The following PLEKHA7 variants were observed in gnomAD, a reference collection of about 807,000 sequenced individuals.
The protein encoded by PLEKHA7 is pleckstrin homology domain-containing family A member 7.
In PLEKHA7, 104 loss-of-function variants were observed where a neutral mutation model predicts 170.0. The observed-to-expected ratio is 0.61, with a 90% CI of 0.52 to 0.72. The LOEUF (loss-of-function observed/expected upper bound fraction) is 0.72, where lower values mean the gene tolerates loss of function less well. PLEKHA7 is among the 30% of genes least tolerant of loss of function. The pLI is 0.00. For synonymous variants in PLEKHA7, 648 were observed against 660.8 expected, an observed-to-expected ratio of 0.98 and a Z score of 0.30; for missense variants, 1,615 against 1,671.7, an observed-to-expected ratio of 0.97 and a Z score of 0.59.
intron 3 of PLEKHA7, among the ~76,000 whole-genome samples, chr11:17,006,416 T>C (rs1461198255): frequency 2.0e-5 from 3 of 151,034 alleles, no homozygotes; most frequent in Non-Finnish European, 2.9e-5. Flanking sequence ...TGCCTGAGGT[T>C]AGGAGTTCAA....
chr11:16,830,176 G>T (rs1301525509), intron 9 of PLEKHA7, among the ~76,000 whole-genome samples: 1 of 151,830 alleles, frequency 6.6e-6, no homozygotes, highest in African/African-American at 2.4e-5. Flanking sequence ...TAGAGACAAG[G>T]TCTTTCTTTG....
At chr11:16,879,129 G>A (rs1011849237) in intron 3 of PLEKHA7, among the ~76,000 whole-genome samples, 2 of 152,172 alleles carry the variant, frequency 1.3e-5, no homozygotes, top group Non-Finnish European at 2.9e-5. Flanking sequence ...TGAACTGGGA[G>A]AGTGTTTTGG....
intron 4 of PLEKHA7, among the ~76,000 whole-genome samples, chr11:16,862,364 G>A (rs572903206): frequency 7.4e-4 from 112 of 152,204 alleles, no homozygotes; most frequent in Non-Finnish European, 8.5e-4. Flanking sequence ...TATGACCCTG[G>A]ACCAGTCTCT....
At chr11:16,821,028 C>A (rs1467060982) in intron 10 of PLEKHA7, among the ~76,000 whole-genome samples, 2 of 152,170 alleles carry the variant, frequency 1.3e-5, no homozygotes, top group Admixed American at 1.3e-4. Context: ...CCCCTAACCT[C>A]CGGTCTTACC....
rs1266227162 is a variant in PLEKHA7, at chr11:16,817,435, A to T, written c.1344-113T>A. The T allele has an allele frequency of 5.6e-6, 6 of 1,074,606 alleles. No individual in the cohort carries two copies. The highest frequency in any genetic ancestry group is 4.2e-4 in the Middle Eastern group (2 of 4,764). The allele number at this position is 1,074,606 out of a possible 1,614,324, so 66.6% of individuals were successfully genotyped here. Reference sequence around the variant, plus strand: ...GGGCATGTGGGACAGTCCTGTAAGAACCTCAAAAGAATGATCAAGGCCGAC... The same window carrying T: ...GGGCATGTGGGACAGTCCTGTAAGATCCTCAAAAGAATGATCAAGGCCGAC... On this transcript the variant is annotated intron_variant, in intron 10 of 26. Transcript: ENST00000531066. The surrounding 1 kb of genome is among the most constrained non-coding windows in gnomAD (Gnocchi z 4.4).
intron 4 of PLEKHA7, among the ~76,000 whole-genome samples, chr11:16,868,130 C>A (rs572095279): frequency 6.6e-6 from 1 of 152,234 alleles, no homozygotes; most frequent in Non-Finnish European, 1.5e-5. Context: ...GATGAGGAGG[C>A]CTTCTGTGGT....
At chr11:16,996,616 T>G (rs1476668705) in intron 3 of PLEKHA7, among the ~76,000 whole-genome samples, 1 of 152,206 alleles carries the variant, frequency 6.6e-6, no homozygotes, top group Non-Finnish European at 1.5e-5. Flanking sequence ...TTTCCTGTGC[T>G]GCAGAATGCT....
Position 16,817,344 on chromosome 11 carries a change from G to A in PLEKHA7, c.1344-22C>T, listed in dbSNP as rs372308509. ...AAGACTGAGGAGAAAGGGTAAGAAC[G>A]GGTCAGGCAACCAAGCGAGGGTTCT... On this transcript the variant is annotated intron_variant, in intron 10 of 26. Transcript: ENST00000531066. The surrounding 1 kb of genome is among the most constrained non-coding windows in gnomAD (Gnocchi z 4.4). 1.6e-5 allele frequency: 25 copies of A among 1,578,220 alleles called. No individual in the cohort carries two copies. The highest frequency in any genetic ancestry group is 8.1e-5 in the African/African-American group (6 of 74,024).
At chr11:16,956,131 T>TG (rs1861687153) in intron 3 of PLEKHA7, among the ~76,000 whole-genome samples, 1 of 152,252 alleles carries the variant, frequency 6.6e-6, no homozygotes, top group African/African-American at 2.4e-5. Context: ...TCTCTTCTCA[T>TG]AACAGAGCAG....
chr11:16,929,965 C>T (rs1257000912), intron 3 of PLEKHA7, among the ~76,000 whole-genome samples: 2 of 151,914 alleles, frequency 1.3e-5, no homozygotes, highest in Non-Finnish European at 2.9e-5. Flanking sequence ...GATTGCGCCA[C>T]TGCACTCCAG....
intron 15 of PLEKHA7, 130 bp downstream of exon 15, chr11:16,802,842 G>C: frequency 1.2e-6 from 1 of 830,336 alleles, no homozygotes; most frequent in Middle Eastern, 2.3e-4. Context: ...CACCGCACCT[G>C]GTGCATTTTT....
chr11:16,838,938 G>A (rs188671123), intron 9 of PLEKHA7, among the ~76,000 whole-genome samples: 5 of 151,944 alleles, frequency 3.3e-5, no homozygotes, highest in East Asian at 3.9e-4. Flanking sequence ...CACCCGCCTC[G>A]GTCTCCCAAA....
chr11:16,787,335 G>T, intron 23 of PLEKHA7: 1 of 636,720 alleles, frequency 1.6e-6, no homozygotes, highest in Non-Finnish European at 2.0e-6. Context: ...TGTCTTTGAT[G>T]CCTCAAGTCC....
intron 3 of PLEKHA7, among the ~76,000 whole-genome samples, chr11:17,007,304 A>G (rs1865060959): frequency 6.6e-6 from 1 of 152,172 alleles, no homozygotes; most frequent in Admixed American, 6.5e-5. Flanking sequence ...TTCTTTATGT[A>G]GAATTACATT....
intron 4 of PLEKHA7, among the ~76,000 whole-genome samples, chr11:16,856,466 C>T (rs1162039535): frequency 6.6e-6 from 1 of 152,174 alleles, no homozygotes; most frequent in Non-Finnish European, 1.5e-5. Flanking sequence ...ATTCTAGGAA[C>T]ACTCCATTTG....
At chr11:16,801,118 C>T in intron 16 of PLEKHA7, 43 bp from the exon 17 acceptor site, 6 of 1,568,256 alleles carry the variant, frequency 3.8e-6, no homozygotes, top group South Asian at 1.1e-5. Flanking sequence ...TTATCCCCTG[C>T]CCCCTTGGAA....
chr11:16,990,366 C>T (rs1863975944), intron 3 of PLEKHA7, among the ~76,000 whole-genome samples: 1 of 150,582 alleles, frequency 6.6e-6, no homozygotes, highest in African/African-American at 2.4e-5. Context: ...ACTCAATGGG[C>T]CATCTCAAAA....
intron 23 of PLEKHA7, 113 bp downstream of exon 23, chr11:16,788,983 T>C: frequency 1.5e-6 from 2 of 1,320,274 alleles, no homozygotes; most frequent in South Asian, 2.7e-5. Context: ...CTGAACCATG[T>C]AGGTCAATGG....
chr11:16,809,143 C>T (rs547344121), intron 13 of PLEKHA7, among the ~76,000 whole-genome samples: 46 of 152,248 alleles, frequency 3.0e-4, no homozygotes, highest in Non-Finnish European at 5.0e-4. Flanking sequence ...GCAAAGTAAA[C>T]ATTTCCAAAA....
Sources: allele counts gnomAD v4.1 joint callset (sites outside exome capture counted in the v4.1 genomes callset), GRCh38; gene constraint gnomAD v4.1.1; non-coding constraint Gnocchi (gnomAD v3.1); transcripts MANE v1.5; gene names NCBI Gene and HGNC (gene_info 2026-07-23, HGNC 2026-07-21).